Variants in LEMD2 observed in about 807,000 individuals in gnomAD.
LEMD2 encodes the protein LEM domain nuclear envelope protein 2, also known as LEM domain-containing protein 2.
A neutral mutation model predicts 58.8 loss-of-function variants in LEMD2; 34 were observed. The ratio of observed to expected loss-of-function variants is 0.58; its 90% CI spans 0.44 to 0.77. LEMD2 has a LOEUF of 0.77. Among genes scored for constraint, LEMD2 ranks in the 30% least tolerant of loss-of-function variants. The pLI, the probability that LEMD2 is intolerant of heterozygous loss-of-function variation, is 0.00. For missense variants in LEMD2, 629 were observed against 717.9 expected (o/e 0.88, Z 1.42); for synonymous variants, 298 against 308.9 (o/e 0.96, Z 0.37).
In LEMD2 at chr6:33,776,855, A is replaced by C. The variant is rs1767440987; in HGVS notation, c.1361+99T>G. On this transcript the variant is annotated intron_variant, in intron 8 of 8. Coordinates refer to ENST00000293760, the MANE Select transcript of LEMD2 (RefSeq NM_181336.4). ...TGGCCCTGGGGTCTGCACTGCCCTC[A>C]GCTGACATCTGATGCAAGGCTCTGG... 22 of 960,430 alleles carry C rather than the reference A, an allele frequency of 2.3e-5. 1 individual carries two copies. The South Asian group carries it at 3.0e-4, about 13-fold the overall frequency. 59.5% of individuals were successfully genotyped at this position (960,430 alleles called of 1,614,324 possible).
chr6:33,778,813 G>GTT lies in LEMD2; in HGVS notation c.1011-428_1011-427dup, dbSNP rs1767498682. 6.5e-6 allele frequency: 1 copy of GTT among 153,784 alleles called. No individual in the cohort carries two copies. Among genetic ancestry groups the GTT allele is most frequent in the Non-Finnish European group, 1.4e-5 (1 of 69,198 alleles). 9.5% of individuals were successfully genotyped at this position (153,784 alleles called of 1,614,324 possible). A position where few individuals can be genotyped will look rare whatever the true frequency, so the allele number is the denominator to read the frequency against. Reference sequence around the variant, plus strand: ...TCGGTGACAAGGAGGCACATAAGCTGTTTAAGTGTAAAGATCATGGGGCAT... The same window carrying GTT: ...TCGGTGACAAGGAGGCACATAAGCTGTTTTTAAGTGTAAAGATCATGGGGCAT... On this transcript the variant is annotated intron_variant, in intron 5 of 8. Coordinates refer to ENST00000293760, the MANE Select transcript of LEMD2 (RefSeq NM_181336.4). This position sits in a 1 kb window ranked among gnomAD's most constrained non-coding sequence, Gnocchi z 4.7.
In LEMD2 at chr6:33,789,033, C is replaced by G. The variant is rs779151888; in HGVS notation, c.84G>C (p.Arg28=). The G allele has an allele frequency of 4.4e-5, 68 of 1,558,122 alleles. No individual in the cohort carries two copies. The highest frequency in any genetic ancestry group is 1.9e-4 in the Admixed American group (10 of 53,468). Residue 28 remains arginine, a synonymous_variant, in exon 1 of 9, where the codon CGG becomes CGC. Coordinates refer to ENST00000293760, the MANE Select transcript of LEMD2 (RefSeq NM_181336.4). Reference sequence around the variant, plus strand: ...GGCGCAGCTTGTTGCGGTAGACATCCCGGGTGGTGTCGGTGATGGGTCCTG... The same window carrying G: ...GGCGCAGCTTGTTGCGGTAGACATCGCGGGTGGTGTCGGTGATGGGTCCTG... ...FQPGPITDTT[R]DVYRNKLRRL... is the part of the protein sequence containing the mutation.
chr6:33,784,230 C>G, intron 3 of LEMD2, 122 bp downstream of exon 3: 1 of 805,106 alleles, frequency 1.2e-6, no homozygotes, highest in East Asian at 2.5e-5. Flanking sequence ...CTGAATATGC[C>G]TTCTGAGAGA....
rs767750818 is a variant in LEMD2, at chr6:33,772,703, G to C, written c.1437C>G (p.Ser479=). The change falls in exon 9 of 9, where the codon TCC becomes TCG. Residue 479 remains serine, a synonymous_variant. Transcript: ENST00000293760. ...ASNESRIQTE[S]HRVAGEDMLV... is the part of the protein sequence containing the mutation. ...GCATGTCCTCTCCTGCAACGCGGTG[G>C]GACTCCGTCTGGATCCGGGATTCGT... 6.2e-7 allele frequency: 1 copy of C among 1,614,052 alleles called. No homozygotes were observed. The highest frequency in any genetic ancestry group is 8.5e-7 in the Non-Finnish European group (1 of 1,180,006).
chr6:33,785,643 C>G (rs1398802301), intron 2 of LEMD2, among the ~76,000 whole-genome samples: 1 of 152,216 alleles, frequency 6.6e-6, no homozygotes, highest in Non-Finnish European at 1.5e-5. Flanking sequence ...AGAAGTCTTA[C>G]AGAAAGTTAT....
intron 8 of LEMD2, chr6:33,776,670 G>A (rs976701462): frequency 3.3e-5 from 15 of 455,114 alleles, no homozygotes; most frequent in Non-Finnish European, 6.1e-5. Context: ...GGAGGGAGCT[G>A]CTATTACTTG....
At position 33,778,513 on chromosome 6, in the gene LEMD2, G is replaced by C; in HGVS notation, c.1011-126C>G. 1 of 653,954 alleles carries C rather than the reference G, an allele frequency of 1.5e-6. No individual in the cohort carries two copies. Among genetic ancestry groups the C allele is most frequent in the South Asian group, 3.8e-5 (1 of 26,176 alleles). The allele number at this position is 653,954 out of a possible 1,614,324, so 40.5% of individuals were successfully genotyped here. Reference sequence around the variant, plus strand: ...AAGGCCTCTACTTGCTTATAGAATAGGCTTGGTATCCTGGCTGCATTCTTT... The same window carrying C: ...AAGGCCTCTACTTGCTTATAGAATACGCTTGGTATCCTGGCTGCATTCTTT... On this transcript the variant is annotated intron_variant, in intron 5 of 8. Transcript: ENST00000293760. The surrounding 1 kb of genome is among the most constrained non-coding windows in gnomAD (Gnocchi z 4.7).
chr6:33,783,688 G>A (rs1227618970), intron 3 of LEMD2, among the ~76,000 whole-genome samples: 1 of 152,202 alleles, frequency 6.6e-6, no homozygotes, highest in African/African-American at 2.4e-5. Context: ...AAAACAGTAG[G>A]GGATGCATCT....
intron 8 of LEMD2, among the ~76,000 whole-genome samples, chr6:33,775,877 G>A (rs751123536): frequency 2.0e-5 from 3 of 152,228 alleles, no homozygotes; most frequent in Non-Finnish European, 4.4e-5. Context: ...CTCCCAGGGA[G>A]CACTCAGCAA....
At chr6:33,787,756 C>T (rs1767714044) in intron 1 of LEMD2, among the ~76,000 whole-genome samples, 1 of 152,174 alleles carries the variant, frequency 6.6e-6, no homozygotes. Context: ...TGTGAGCATC[C>T]TTGAGTCGTA....
In LEMD2 at chr6:33,788,605, C is replaced by A; in HGVS notation, c.512G>T (p.Arg171Leu). The change falls in exon 1 of 9, where the codon CGG becomes CTG. Residue 171 changes from arginine to leucine, a missense_variant. Transcript: ENST00000293760. ...RWWAASPAPA[R>L]LPSSLLGPDP... Reference sequence around the variant, plus strand: ...GGGACCGAGGAGGGAGGAAGGCAGCCGCGCCGGGGCGGGAGACGCTGCCCA... The same window carrying A: ...GGGACCGAGGAGGGAGGAAGGCAGCAGCGCCGGGGCGGGAGACGCTGCCCA... 7 of 1,276,950 alleles carry A rather than the reference C, an allele frequency of 5.5e-6. No homozygotes were observed. The highest frequency in any genetic ancestry group is 5.9e-6 in the Non-Finnish European group (6 of 1,015,456). The allele number at this position is 1,276,950 out of a possible 1,614,324, so 79.1% of individuals were successfully genotyped here.
chr6:33,783,829 C>T (rs59443085), intron 3 of LEMD2, among the ~76,000 whole-genome samples: 2,997 of 152,320 alleles, frequency 0.02, 78 homozygotes, highest in African/African-American at 0.064. Flanking sequence ...GATGAAGACC[C>T]TGAGAGGATC....
At chr6:33,776,881 G>A in intron 8 of LEMD2, 73 bp downstream of exon 8, 1 of 1,246,344 alleles carries the variant, frequency 8.0e-7, no homozygotes. Context: ...AAGGCTCTGG[G>A]TTTCCTTCTG....
At chr6:33,775,705 C>T (rs1561922586) in intron 8 of LEMD2, among the ~76,000 whole-genome samples, 1 of 152,162 alleles carries the variant, frequency 6.6e-6, no homozygotes. Flanking sequence ...GGCGGGAGCA[C>T]GGAAATGCCA....
At chr6:33,776,848 T>C in intron 8 of LEMD2, 106 bp downstream of exon 8, 1 of 881,448 alleles carries the variant, frequency 1.1e-6, no homozygotes, top group South Asian at 1.4e-5. Flanking sequence ...GGGTCTGCAC[T>C]GCCCTCAGCT....
intron 8 of LEMD2, among the ~76,000 whole-genome samples, chr6:33,773,651 G>A (rs1180309617): frequency 6.6e-6 from 1 of 151,730 alleles, no homozygotes; most frequent in African/African-American, 2.4e-5. Flanking sequence ...CAAACCCCAT[G>A]GGCCTATTCA....
At chr6:33,781,430 C>T in intron 3 of LEMD2, 1 of 420,826 alleles carries the variant, frequency 2.4e-6, no homozygotes. Context: ...TGCAATTGAT[C>T]CCTAAAAGAA....
intron 2 of LEMD2, among the ~76,000 whole-genome samples, chr6:33,785,716 G>A (rs1261099908): frequency 6.6e-6 from 1 of 152,130 alleles, no homozygotes; most frequent in East Asian, 1.9e-4. Flanking sequence ...CTGTGTTTCT[G>A]GGCCACTTCC....
At chr6:33,788,319 G>A in intron 1 of LEMD2, 62 bp downstream of exon 1, 1 of 1,472,484 alleles carries the variant, frequency 6.8e-7, no homozygotes, top group African/African-American at 1.4e-5. Flanking sequence ...GACAGGAACG[G>A]GGGGTCCTCC....
Sources: gnomAD v4.1 joint callset for allele counts (sites outside exome capture counted in the v4.1 genomes callset) on GRCh38, gnomAD v4.1.1 for gene constraint, Gnocchi (gnomAD v3.1) non-coding constraint, MANE v1.5 for transcripts, NCBI Gene and HGNC (gene_info 2026-07-23, HGNC 2026-07-21) for gene names.